The following CLEC16A variants were observed in gnomAD, a reference collection of about 807,000 sequenced individuals.
CLEC16A encodes protein CLEC16A.
Under a neutral mutation model 109.5 loss-of-function variants are expected in CLEC16A, and 51 were observed. That is an observed-to-expected ratio of 0.47 (90% confidence interval 0.37 to 0.59). The LOEUF (loss-of-function observed/expected upper bound fraction) is 0.59, where lower values mean the gene tolerates loss of function less well. Ranked by LOEUF, CLEC16A falls within the 20% of genes least tolerant of loss-of-function variation. The pLI, the probability that CLEC16A is intolerant of heterozygous loss-of-function variation, is 0.00. For missense variants in CLEC16A, 1,339 were observed against 1,394.0 expected (o/e 0.96, Z 0.63); for synonymous variants, 673 against 564.2 (o/e 1.19, Z -2.73).
chr16:11,087,926 G>A (rs1182010953), intron 19 of CLEC16A, among the ~76,000 whole-genome samples: 1 of 152,242 alleles, frequency 6.6e-6, no homozygotes, highest in Non-Finnish European at 1.5e-5. Flanking sequence ...CTCCCCCGCT[G>A]TGCAGCCGCC....
At chr16:11,171,359 C>T (rs962824896) in intron 23 of CLEC16A, among the ~76,000 whole-genome samples, 2 of 152,174 alleles carry the variant, frequency 1.3e-5, no homozygotes, top group African/African-American at 2.4e-5. Context: ...TCAGTGCTGG[C>T]CCCAGACCAA....
intron 19 of CLEC16A, among the ~76,000 whole-genome samples, chr16:11,113,247 C>G (rs2051723592): frequency 6.6e-6 from 1 of 152,246 alleles, no homozygotes; most frequent in Non-Finnish European, 1.5e-5. Context: ...GTGCTGCTCC[C>G]CAACCCTGGC....
At chr16:11,108,734 A>G (rs2051373176) in intron 19 of CLEC16A, among the ~76,000 whole-genome samples, 1 of 152,178 alleles carries the variant, frequency 6.6e-6, no homozygotes, top group Non-Finnish European at 1.5e-5. Flanking sequence ...AGGATCTGGG[A>G]CCATGTCAAG....
intron 22 of CLEC16A, among the ~76,000 whole-genome samples, chr16:11,128,225 C>T (rs1313129315): frequency 6.6e-6 from 1 of 152,232 alleles, no homozygotes; most frequent in East Asian, 1.9e-4. Flanking sequence ...AGCCAAGCGG[C>T]CCATTCTTCA....
intron 22 of CLEC16A, among the ~76,000 whole-genome samples, chr16:11,139,118 G>A (rs976217006): frequency 6.6e-6 from 1 of 152,172 alleles, no homozygotes; most frequent in Non-Finnish European, 1.5e-5. Context: ...TGACCCAACA[G>A]TCCTTGTGTG....
At chr16:11,171,578 T>A (rs188523664) in intron 23 of CLEC16A, among the ~76,000 whole-genome samples, 7 of 152,316 alleles carry the variant, frequency 4.6e-5, no homozygotes, top group African/African-American at 1.2e-4. Context: ...CAGCCCCTAG[T>A]GAGAAAATTG....
chr16:11,077,477 A>AG (rs1327623855), intron 19 of CLEC16A, among the ~76,000 whole-genome samples: 1 of 150,984 alleles, frequency 6.6e-6, no homozygotes, highest in Admixed American at 6.6e-5. Flanking sequence ...GTCTCAAAAA[A>AG]AAAAAAAAAA....
intron 22 of CLEC16A, among the ~76,000 whole-genome samples, chr16:11,130,662 G>T (rs1375107545): frequency 6.6e-6 from 1 of 152,186 alleles, no homozygotes; most frequent in Non-Finnish European, 1.5e-5. Flanking sequence ...TGCCATCAAG[G>T]GCCCGTGGGT....
At chr16:10,966,575 T>A (rs1477478273) in intron 3 of CLEC16A, among the ~76,000 whole-genome samples, 1 of 152,152 alleles carries the variant, frequency 6.6e-6, no homozygotes, top group Admixed American at 6.5e-5. Context: ...GCTGGGTACT[T>A]TATAAGGGAA....
chr16:11,173,649 T>C (rs1361823754), intron 23 of CLEC16A, among the ~76,000 whole-genome samples: 1 of 152,064 alleles, frequency 6.6e-6, no homozygotes, highest in Non-Finnish European at 1.5e-5. Flanking sequence ...ACCTCCTCAC[T>C]TGGGGTCAGA....
At chr16:11,027,390 G>C in intron 13 of CLEC16A, 1 of 1,412,130 alleles carries the variant, frequency 7.1e-7, no homozygotes, top group Non-Finnish European at 9.9e-7. Flanking sequence ...CTTTGTAAAA[G>C]TCACCCCCCA....
At chr16:10,975,147 A>C (rs1055924474) in intron 7 of CLEC16A, among the ~76,000 whole-genome samples, 1 of 152,114 alleles carries the variant, frequency 6.6e-6, no homozygotes, top group African/African-American at 2.4e-5. Context: ...GTTGAAGACC[A>C]GCCTGGCCCC....
intron 15 of CLEC16A, among the ~76,000 whole-genome samples, chr16:11,042,791 T>C (rs1428441558): frequency 6.6e-6 from 1 of 151,878 alleles, no homozygotes; most frequent in East Asian, 1.9e-4. Flanking sequence ...TTAGAAAATT[T>C]AGGAAGTAGA....
In CLEC16A at chr16:11,062,493, A is replaced by G. The variant is rs189491692; in HGVS notation, c.2116+1471A>G. On this transcript the variant is annotated intron_variant, in intron 19 of 23. Coordinates refer to ENST00000409790, the MANE Select transcript of CLEC16A (RefSeq NM_015226.3). ...TTTCTTAAAATACAGAATTGTTTTCAGGATTGAATGAAATAGAACATGAAA... is the reference window on the plus strand; with the variant it reads ...TTTCTTAAAATACAGAATTGTTTTCGGGATTGAATGAAATAGAACATGAAA... Among the ~76,000 whole-genome samples the G allele has an allele frequency of 1.2e-3, 188 of 152,262 alleles. 3 individuals carry two copies. The highest frequency in any genetic ancestry group is 4.4e-3 in the African/African-American group (183 of 41,550).
chr16:11,104,557 C>T (rs1017043211), intron 19 of CLEC16A, among the ~76,000 whole-genome samples: 2 of 152,112 alleles, frequency 1.3e-5, no homozygotes, highest in African/African-American at 4.8e-5. Flanking sequence ...TGATGAGGTG[C>T]CTTACAGAGG....
chr16:11,022,903 A>ATT (rs1567208048), intron 12 of CLEC16A, among the ~76,000 whole-genome samples: 1 of 37,056 alleles, frequency 2.7e-5, no homozygotes, highest in African/African-American at 1.7e-4. Context: ...CATCTCAAAA[A>ATT]TATATATATA....
intron 12 of CLEC16A, among the ~76,000 whole-genome samples, chr16:11,022,084 C>T (rs2046134479): frequency 6.6e-6 from 1 of 152,132 alleles, no homozygotes; most frequent in Non-Finnish European, 1.5e-5. Context: ...CTTTGGGCAT[C>T]TTGAAGCACA....
chr16:11,027,138 A>G (rs529556450), intron 13 of CLEC16A: 488 of 1,460,760 alleles, frequency 3.3e-4, no homozygotes, highest in Non-Finnish European at 4.3e-4. Context: ...TTTGGCAAAG[A>G]AGGAGCAGAA....
chr16:11,033,224 T>A (rs1448524558), intron 13 of CLEC16A, among the ~76,000 whole-genome samples: 1 of 151,356 alleles, frequency 6.6e-6, no homozygotes, highest in African/African-American at 2.4e-5. Flanking sequence ...ATGGTGGGGG[T>A]GCATTTACTA....
Sources: gnomAD v4.1 joint callset for allele counts (sites outside exome capture counted in the v4.1 genomes callset) on GRCh38, gnomAD v4.1.1 for gene constraint, MANE v1.5 for transcripts, NCBI Gene and HGNC (gene_info 2026-07-23, HGNC 2026-07-21) for gene names.